The following PTPRN2 variants were observed in gnomAD, a reference collection of about 807,000 sequenced individuals.
The protein encoded by PTPRN2 is protein tyrosine phosphatase receptor type N2.
A neutral mutation model predicts 118.8 loss-of-function variants in PTPRN2; 74 were observed. That is an observed-to-expected ratio of 0.62 (90% confidence interval 0.52 to 0.76). The LOEUF is 0.76. Among genes scored for constraint, PTPRN2 ranks in the 30% least tolerant of loss-of-function variants. PTPRN2 has a pLI of 0.00. For missense variants in PTPRN2, 1,481 were observed against 1,394.4 expected (o/e 1.06, Z -0.99); for synonymous variants, 641 against 608.0 (o/e 1.05, Z -0.80).
chr7:157,907,128 G>A (rs1797816016), intron 11 of PTPRN2, among the ~76,000 whole-genome samples: 1 of 152,216 alleles, frequency 6.6e-6, no homozygotes, highest in Admixed American at 6.5e-5. Flanking sequence ...GGAAGATGAA[G>A]CATAAAACCA....
At chr7:158,484,647 C>G (rs970335298) in intron 2 of PTPRN2, among the ~76,000 whole-genome samples, 1 of 152,182 alleles carries the variant, frequency 6.6e-6, no homozygotes, top group Non-Finnish European at 1.5e-5. Flanking sequence ...ACAGGGTGAG[C>G]CTCCGCCCTG....
intron 15 of PTPRN2, among the ~76,000 whole-genome samples, chr7:157,605,257 T>TGGGTGCGGGCTCTCTGTGA (rs1195078933): frequency 3.3e-5 from 5 of 152,158 alleles, no homozygotes; most frequent in Non-Finnish European, 5.9e-5. Context: ...GGTGCCAGCA[T>TGGGTGCGGGCTCTCTGTGA]GGGTGCGGGC....
intron 11 of PTPRN2, among the ~76,000 whole-genome samples, chr7:158,069,018 G>A (rs1017627651): frequency 1.3e-5 from 2 of 152,174 alleles, no homozygotes; most frequent in Non-Finnish European, 2.9e-5. Flanking sequence ...CCATCTTCAC[G>A]TGCTCTCTGT....
At chr7:158,089,655 G>A (rs1238184918) in intron 10 of PTPRN2, among the ~76,000 whole-genome samples, 3 of 130,898 alleles carry the variant, frequency 2.3e-5, no homozygotes, top group African/African-American at 8.7e-5. Flanking sequence ...CCTGATGAAA[G>A]GGGGAGTCTT....
At chr7:157,855,528 G>A (rs1458110604) in intron 12 of PTPRN2, among the ~76,000 whole-genome samples, 1 of 152,200 alleles carries the variant, frequency 6.6e-6, no homozygotes, top group African/African-American at 2.4e-5. Context: ...CAGTGGTTTG[G>A]GGATTCACTT....
rs868248474 is a variant in PTPRN2, at chr7:158,512,395, C to T, written c.113-22610G>A. Among the ~76,000 whole-genome samples, 7 of 152,100 alleles carry T rather than the reference C, an allele frequency of 4.6e-5. No homozygotes were observed. In the South Asian group the frequency reaches 6.2e-4, roughly 13 times the overall value. The stretch of plus-strand genomic sequence containing the variant: ...GAGGTTACAGGTAAGCAGGAGGCAG[C>T]GTCTGGAATAATCCACATGGTAAGA... On this transcript the variant is annotated intron_variant, in intron 1 of 22. Transcript: ENST00000389418.
At chr7:158,246,981 C>A (rs193292309) in intron 3 of PTPRN2, among the ~76,000 whole-genome samples, 2 of 152,192 alleles carry the variant, frequency 1.3e-5, no homozygotes, top group Admixed American at 6.5e-5. Context: ...TCTCATAGAG[C>A]GCATGGAGCT....
At chr7:157,886,974 G>A (rs1037310638) in intron 12 of PTPRN2, among the ~76,000 whole-genome samples, 5 of 150,988 alleles carry the variant, frequency 3.3e-5, no homozygotes, top group African/African-American at 9.7e-5. Context: ...CACCCATGAC[G>A]GGCCTGTCCT....
At chr7:158,501,098 G>A (rs1244297549) in intron 1 of PTPRN2, among the ~76,000 whole-genome samples, 2 of 152,256 alleles carry the variant, frequency 1.3e-5, no homozygotes, top group Non-Finnish European at 1.5e-5. Context: ...GCTTTATGAA[G>A]TCTGGTGCTT....
At chr7:158,152,744 G>C (rs551572248) in intron 6 of PTPRN2, among the ~76,000 whole-genome samples, 2 of 152,182 alleles carry the variant, frequency 1.3e-5, no homozygotes, top group African/African-American at 4.8e-5. Flanking sequence ...ACACACAAGT[G>C]GCTGGATGTC....
At chr7:158,248,163 G>A (rs1312367531) in intron 3 of PTPRN2, among the ~76,000 whole-genome samples, 1 of 152,214 alleles carries the variant, frequency 6.6e-6, no homozygotes, top group African/African-American at 2.4e-5. Flanking sequence ...ACTAAGGCCA[G>A]GCGGGTCATG....
intron 13 of PTPRN2, among the ~76,000 whole-genome samples, chr7:157,679,167 T>A (rs1356730667): frequency 6.6e-6 from 1 of 151,950 alleles, no homozygotes; most frequent in Non-Finnish European, 1.5e-5. Context: ...AGAATAAAAG[T>A]CAATAAAATT....
intron 1 of PTPRN2, among the ~76,000 whole-genome samples, chr7:158,530,873 C>T (rs1825174614): frequency 6.6e-6 from 1 of 152,182 alleles, no homozygotes; most frequent in Non-Finnish European, 1.5e-5. Context: ...GAAGGACGTT[C>T]ACTCAGCAGA....
chr7:158,111,732 A>G (rs974753711), intron 9 of PTPRN2, among the ~76,000 whole-genome samples: 2 of 152,240 alleles, frequency 1.3e-5, no homozygotes, highest in Non-Finnish European at 2.9e-5. Context: ...CAGCAAGACC[A>G]GCCCTGCCCT....
intron 11 of PTPRN2, among the ~76,000 whole-genome samples, chr7:158,071,397 CTCGTGGTGGAGTTGCTCCTGG>C (rs1811564392): frequency 2.1e-5 from 1 of 48,374 alleles, no homozygotes; most frequent in Non-Finnish European, 4.3e-5. Context: ...GGTGGAGGTG[CTCGTGGTGGAGTTGCTCCTGG>C]TGGTGGAGGT....
At chr7:158,390,088 G>A (rs972949328) in intron 2 of PTPRN2, among the ~76,000 whole-genome samples, 11 of 152,324 alleles carry the variant, frequency 7.2e-5, no homozygotes, top group East Asian at 5.8e-4. Context: ...TATTCAAACC[G>A]ATCTTCTTTG....
intron 12 of PTPRN2, among the ~76,000 whole-genome samples, chr7:157,732,198 C>G: frequency 1.0e-5 from 1 of 95,858 alleles, no homozygotes; most frequent in Non-Finnish European, 2.3e-5. Flanking sequence ...TTTTCCGCCC[C>G]ACGCGCCCAG....
chr7:158,425,032 G>C (rs998275750), intron 2 of PTPRN2, among the ~76,000 whole-genome samples: 2 of 152,218 alleles, frequency 1.3e-5, no homozygotes, highest in Non-Finnish European at 2.9e-5. Context: ...GGTGACTGTC[G>C]GTAAAGGAGG....
chr7:158,346,068 G>C (rs1563184824), intron 2 of PTPRN2, among the ~76,000 whole-genome samples: 1 of 152,186 alleles, frequency 6.6e-6, no homozygotes, highest in Non-Finnish European at 1.5e-5. Context: ...ATGGGTACAA[G>C]GCAATGCTAT....
Sources: allele counts gnomAD v4.1 joint callset (sites outside exome capture counted in the v4.1 genomes callset), GRCh38; gene constraint gnomAD v4.1.1; transcripts MANE v1.5; gene names NCBI Gene and HGNC (gene_info 2026-07-23, HGNC 2026-07-21).